LRTM1: variants seen among roughly 807,000 people sequenced by gnomAD.
LRTM1 encodes the protein leucine-rich repeat and transmembrane domain-containing protein 1.
In LRTM1, 38 loss-of-function variants were observed where a neutral mutation model predicts 32.4. The ratio of observed to expected loss-of-function variants is 1.17; its 90% CI spans 0.91 to 1.54. LRTM1 has a LOEUF of 1.54. Among genes scored for constraint, LRTM1 ranks in the 40% most tolerant of loss-of-function variants. The pLI, the probability that LRTM1 is intolerant of heterozygous loss-of-function variation, is 0.00. For synonymous variants in LRTM1, 186 were observed against 169.9 expected, an observed-to-expected ratio of 1.09 and a Z score of -0.74; for missense variants, 466 against 415.4, an observed-to-expected ratio of 1.12 and a Z score of -1.06.
rs79125225 is a variant in LRTM1, at chr3:54,957,582, G to A, written c.-222+9346C>T. Among the ~76,000 whole-genome samples the A allele has an allele frequency of 2.0e-4, 31 of 152,316 alleles. No homozygotes were observed. The East Asian group carries it at 6.0e-3, about 29-fold the overall frequency. ...AAACTTATCAAACTAAAATGACAGA[G>A]CCTTGAGGTCTGGTGTGTGTGTTAG... On this transcript the variant is annotated intron_variant, in intron 1 of 2. Coordinates refer to the LRTM1 transcript ENST00000493075.
chr3:54,923,951 T>A lies in LRTM1; in HGVS notation c.604+668A>T, dbSNP rs922293779. On this transcript the variant is annotated intron_variant, in intron 2 of 2. Transcript: ENST00000273286. The stretch of plus-strand genomic sequence containing the variant: ...ATTATATAATGAATGGGCATGGCTG[T>A]GTTCCAATAAAACTTTATTTACAGA... Among the ~76,000 whole-genome samples, 5 of 152,248 alleles carry A rather than the reference T, an allele frequency of 3.3e-5. 1 individual carries two copies. Among genetic ancestry groups the A allele is most frequent in the Admixed American group, 3.3e-4 (5 of 15,290 alleles).
intron 1 of LRTM1, among the ~76,000 whole-genome samples, chr3:54,949,786 C>A (rs145961312): frequency 7.7e-6 from 1 of 130,268 alleles, no homozygotes; most frequent in Non-Finnish European, 1.7e-5. Context: ...CATCCTTAGG[C>A]TCCTGGATGG....
At position 54,933,764 on chromosome 3, in the gene LRTM1, T is replaced by C. The variant is rs1701263869; in HGVS notation, c.-221-8549A>G. On this transcript the variant is annotated intron_variant, in intron 1 of 2. Coordinates refer to the LRTM1 transcript ENST00000493075. ...TGAATAAAGATATTACTATTACTTT[T>C]TTTTTTTTTTTTGAGACAAAGTCTC... 1.0e-4 allele frequency among the ~76,000 whole-genome samples: 15 copies of C among 148,838 alleles called. No homozygotes were observed. The South Asian group carries it at 3.2e-3, about 32-fold the overall frequency.
rs1293376069 is a variant in LRTM1, at chr3:54,925,112, G to A, written c.111C>T (p.Ser37=). 1.2e-6 allele frequency: 2 copies of A among 1,613,964 alleles called. No individual in the cohort carries two copies. Among genetic ancestry groups the A allele is most frequent in the Non-Finnish European group, 1.7e-6 (2 of 1,179,998 alleles). ...AAGGGATTTCGGCCAGACCCTGCTG[G>A]CTGCAGTCTACAAAATTTGTAGATG... ...CQSSTNFVDC[S]QQGLAEIPSH... The change falls in exon 2 of 3, where the codon AGC becomes AGT. Residue 37 remains serine (S), a synonymous_variant. Transcript: ENST00000273286.
intron 1 of LRTM1, among the ~76,000 whole-genome samples, chr3:54,955,711 G>T (rs1419479094): frequency 2.6e-5 from 4 of 152,246 alleles, no homozygotes; most frequent in African/African-American, 9.6e-5. Context: ...GCTCTCCCCT[G>T]AGGCCTCTGT....
intron 2 of LRTM1, among the ~76,000 whole-genome samples, chr3:54,920,133 G>A (rs1559629649): frequency 6.6e-6 from 1 of 152,230 alleles, no homozygotes; most frequent in Non-Finnish European, 1.5e-5. Flanking sequence ...CACACAGTAA[G>A]TGAATTAGGA....
At chr3:54,932,853 T>G (rs1701225372), upstream of LRTM1, among the ~76,000 whole-genome samples, 1 of 152,170 alleles carries the variant, frequency 6.6e-6, no homozygotes, top group Admixed American at 6.5e-5. Flanking sequence ...CAGCCAGGAA[T>G]AGTGGGGAGT....
chr3:54,924,629 A>G lies in LRTM1; in HGVS notation c.594T>C (p.Phe198=), dbSNP rs780853920. The G allele has an allele frequency of 3.7e-6, 6 of 1,613,464 alleles. No individual in the cohort carries two copies. In the East Asian group the frequency reaches 8.9e-5, roughly 24 times the overall value. Residue 198 remains phenylalanine (F), a synonymous_variant, in exon 2 of 3, where the codon TTT becomes TTC. Coordinates refer to ENST00000273286, the MANE Select transcript of LRTM1 (RefSeq NM_020678.4). ...ATAGACATGACTGACCTTTATAGAC[A>G]AATTTCTCCAGCCAGAGTTTAAGAC... The part of the protein sequence containing the change: ...LLGLKLWLEK[F]VYKGGLTDGI...
chr3:54,953,207 C>T lies in LRTM1; in HGVS notation c.-222+13721G>A, dbSNP rs552784250. Among the ~76,000 whole-genome samples the T allele has an allele frequency of 5.3e-5, 8 of 152,218 alleles. No homozygotes were observed. The South Asian group carries it at 1.2e-3, about 24-fold the overall frequency. On this transcript the variant is annotated intron_variant, in intron 1 of 2. Transcript: ENST00000493075. ...TACATTAGCTCATTTAAGGCACAAA[C>T]GTATAAGGTGTGCATGACTCCTGTT...
chr3:54,955,171 C>T (rs9821171), intron 1 of LRTM1, among the ~76,000 whole-genome samples: 5,389 of 152,252 alleles, frequency 0.035, 308 homozygotes, highest in African/African-American at 0.12. Context: ...AGCTTACATA[C>T]TGTATATACA....
intron 1 of LRTM1, among the ~76,000 whole-genome samples, chr3:54,956,269 G>T (rs1399509402): frequency 1.3e-5 from 2 of 152,214 alleles, no homozygotes; most frequent in Non-Finnish European, 1.5e-5. Context: ...ACCCGTAAGC[G>T]CATGGTCTTC....
upstream of LRTM1, among the ~76,000 whole-genome samples, chr3:54,930,558 T>C (rs1303144514): frequency 6.6e-6 from 1 of 152,152 alleles, no homozygotes; most frequent in East Asian, 1.9e-4. Context: ...CAATTGGATG[T>C]TGGAGGTCAA....
chr3:54,946,577 G>A (rs1288289622), intron 1 of LRTM1, among the ~76,000 whole-genome samples: 1 of 152,164 alleles, frequency 6.6e-6, no homozygotes, highest in Non-Finnish European at 1.5e-5. Flanking sequence ...TAACGAAGAA[G>A]AGCAGGTTAC....
At chr3:54,923,597 A>G (rs1200122670) in intron 2 of LRTM1, among the ~76,000 whole-genome samples, 1 of 152,224 alleles carries the variant, frequency 6.6e-6, no homozygotes, top group Non-Finnish European at 1.5e-5. Context: ...CCAGAATGGA[A>G]TCTCTGTGAT....
intron 1 of LRTM1, among the ~76,000 whole-genome samples, chr3:54,953,280 C>T (rs1373914135): frequency 6.6e-6 from 1 of 152,174 alleles, no homozygotes; most frequent in Non-Finnish European, 1.5e-5. Flanking sequence ...GCTGCATGTA[C>T]ATGAAACAGG....
At chr3:54,961,170 C>T (rs564892791) in intron 1 of LRTM1, among the ~76,000 whole-genome samples, 1 of 152,346 alleles carries the variant, frequency 6.6e-6, no homozygotes, top group Non-Finnish European at 1.5e-5. Flanking sequence ...GGCCTTGTTA[C>T]TATCACTGCT....
At chr3:54,940,549 C>A (rs1340523877) in intron 1 of LRTM1, among the ~76,000 whole-genome samples, 1 of 152,082 alleles carries the variant, frequency 6.6e-6, no homozygotes, top group African/African-American at 2.4e-5. Context: ...CCGTAAAGCC[C>A]CCTCCCCTTG....
intron 1 of LRTM1, among the ~76,000 whole-genome samples, chr3:54,953,615 A>AT (rs1701811667): frequency 6.6e-6 from 1 of 152,198 alleles, no homozygotes. Flanking sequence ...GATCCTTTCT[A>AT]TTTTAAAGAC....
chr3:54,954,443 G>C (rs1167001150), intron 1 of LRTM1, among the ~76,000 whole-genome samples: 1 of 152,212 alleles, frequency 6.6e-6, no homozygotes, highest in Non-Finnish European at 1.5e-5. Flanking sequence ...ACTCCTCACT[G>C]CTCTGGTAGT....
Sources: gnomAD v4.1 joint callset for allele counts (sites outside exome capture counted in the v4.1 genomes callset) on GRCh38, gnomAD v4.1.1 for gene constraint, MANE v1.5 for transcripts, NCBI Gene and HGNC (gene_info 2026-07-23, HGNC 2026-07-21) for gene names.